Variants in DOCK8 observed in about 807,000 individuals in gnomAD.
DOCK8 encodes dedicator of cytokinesis protein 8.
A neutral mutation model predicts 245.6 loss-of-function variants in DOCK8; 141 were observed. That is an observed-to-expected ratio of 0.57 (90% CI 0.50 to 0.66). DOCK8 has a LOEUF of 0.66. Ranked by LOEUF, DOCK8 falls within the 30% of genes least tolerant of loss-of-function variation. The pLI is 0.00. For synonymous variants in DOCK8, 1,168 were observed against 970.2 expected (o/e 1.20, Z -3.79); for missense variants, 2,965 against 2,603.4 (o/e 1.14, Z -3.02).
At chr9:393,366 C>G (rs1294986343) in intron 24 of DOCK8, among the ~76,000 whole-genome samples, 1 of 152,190 alleles carries the variant, frequency 6.6e-6, no homozygotes, top group Non-Finnish European at 1.5e-5. Flanking sequence ...CACATCAAAA[C>G]TACTGAGCAT....
intron 46 of DOCK8, among the ~76,000 whole-genome samples, chr9:454,067 A>C (rs541972528): frequency 3.6e-4 from 55 of 152,342 alleles, no homozygotes; most frequent in Middle Eastern, 3.4e-3. Flanking sequence ...TAACTACAGG[A>C]CTATAAAGAT....
At chr9:453,142 G>C (rs2057519672) in intron 46 of DOCK8, among the ~76,000 whole-genome samples, 1 of 152,222 alleles carries the variant, frequency 6.6e-6, no homozygotes, top group Non-Finnish European at 1.5e-5. Flanking sequence ...CTCCTTCACA[G>C]GCTTTTGCGA....
At chr9:258,235 T>G (rs1039420331) in intron 1 of DOCK8, among the ~76,000 whole-genome samples, 3 of 152,250 alleles carry the variant, frequency 2.0e-5, no homozygotes, top group African/African-American at 7.2e-5. Flanking sequence ...TCCATGTCTT[T>G]ACTGAAGTCA....
At chr9:340,620 C>T (rs79509293) in intron 14 of DOCK8, 6 of 180,720 alleles carry the variant, frequency 3.3e-5, no homozygotes, top group Non-Finnish European at 2.3e-5. Flanking sequence ...GACTCTGTCT[C>T]AAAAAAAAAA....
At chr9:412,652 A>G (rs1363304280) in intron 28 of DOCK8, among the ~76,000 whole-genome samples, 2 of 152,128 alleles carry the variant, frequency 1.3e-5, no homozygotes, top group Non-Finnish European at 2.9e-5. Flanking sequence ...TAAGAAAACA[A>G]TTTCATATAA....
At chr9:269,552 C>CTTTTT (rs57326015) in intron 1 of DOCK8, among the ~76,000 whole-genome samples, 9 of 104,980 alleles carry the variant, frequency 8.6e-5, no homozygotes, top group African/African-American at 3.3e-4. Flanking sequence ...GTGTGGTTGT[C>CTTTTT]TTTTTTTTTT....
chr9:425,399 G>T (rs1455894886), intron 33 of DOCK8, among the ~76,000 whole-genome samples: 1 of 152,064 alleles, frequency 6.6e-6, no homozygotes, highest in African/African-American at 2.4e-5. Flanking sequence ...GGGCGCGGTG[G>T]CGGGCGCCTG....
intron 2 of DOCK8, among the ~76,000 whole-genome samples, chr9:273,519 A>G (rs1157403247): frequency 2.6e-5 from 4 of 152,206 alleles, no homozygotes; most frequent in Non-Finnish European, 5.9e-5. Flanking sequence ...ACACTTTTAA[A>G]TTTTAAACAA....
intron 4 of DOCK8, among the ~76,000 whole-genome samples, chr9:293,836 C>T (rs1015451774): frequency 6.6e-6 from 1 of 152,176 alleles, no homozygotes; most frequent in African/African-American, 2.4e-5. Context: ...TTATTTAGCT[C>T]TCCTTTAATT....
At chr9:386,146 A>G (rs1248378271) in intron 22 of DOCK8, among the ~76,000 whole-genome samples, 185 bp from the exon 23 acceptor site, 1 of 152,228 alleles carries the variant, frequency 6.6e-6, no homozygotes. Flanking sequence ...CTCAAGAGCA[A>G]GTAAAATTAG....
intron 14 of DOCK8, among the ~76,000 whole-genome samples, chr9:346,719 G>A (rs1481216672): frequency 6.6e-6 from 1 of 152,156 alleles, no homozygotes. Flanking sequence ...GCCTAACGGG[G>A]ATGTGCTCCC....
At chr9:438,225 G>A (rs1040205333) in intron 39 of DOCK8, among the ~76,000 whole-genome samples, 1 of 152,224 alleles carries the variant, frequency 6.6e-6, no homozygotes, top group Admixed American at 6.5e-5. Flanking sequence ...ACAGCTTTTA[G>A]TTCACAAGCC....
At chr9:323,404 G>A (rs2050612179) in intron 7 of DOCK8, among the ~76,000 whole-genome samples, 1 of 151,804 alleles carries the variant, frequency 6.6e-6, no homozygotes, top group Non-Finnish European at 1.5e-5. Context: ...TTGTGGTTTA[G>A]TAGAGACAGG....
intron 29 of DOCK8, 118 bp downstream of exon 29, chr9:415,069 C>T: frequency 7.0e-7 from 1 of 1,422,156 alleles, no homozygotes; most frequent in Non-Finnish European, 9.8e-7. Flanking sequence ...CAATTCTTCA[C>T]AAAAATGGTC....
intron 1 of DOCK8, among the ~76,000 whole-genome samples, chr9:256,413 T>C (rs1332937451): frequency 6.6e-6 from 1 of 152,200 alleles, no homozygotes; most frequent in Non-Finnish European, 1.5e-5. Context: ...CCCAATTCGT[T>C]TCTGCTTCAG....
At chr9:259,377 GTA>G (rs1384980105) in intron 1 of DOCK8, among the ~76,000 whole-genome samples, 1 of 152,116 alleles carries the variant, frequency 6.6e-6, no homozygotes, top group Non-Finnish European at 1.5e-5. Flanking sequence ...TAGTTTTTAA[GTA>G]CACTATTTAA....
intron 5 of DOCK8, among the ~76,000 whole-genome samples, chr9:306,161 A>G (rs2049817278): frequency 1.3e-5 from 2 of 152,220 alleles, no homozygotes; most frequent in South Asian, 2.1e-4. Context: ...TTCAGCTTCC[A>G]TGTGTCTTCA....
chr9:408,518 C>A (rs1564027220), intron 28 of DOCK8, among the ~76,000 whole-genome samples: 1 of 152,198 alleles, frequency 6.6e-6, no homozygotes, highest in Non-Finnish European at 1.5e-5. Flanking sequence ...CTACAACTAA[C>A]ATAAATTTCC....
At chr9:427,559 T>G (rs2056547297) in intron 34 of DOCK8, among the ~76,000 whole-genome samples, 2 of 152,218 alleles carry the variant, frequency 1.3e-5, no homozygotes, top group Non-Finnish European at 1.5e-5. Context: ...TTCCACAAAT[T>G]CCCAAGCTGT....
Sources: gnomAD v4.1 joint callset for allele counts (sites outside exome capture counted in the v4.1 genomes callset) on GRCh38, gnomAD v4.1.1 for gene constraint, MANE v1.5 for transcripts, NCBI Gene and HGNC (gene_info 2026-07-23, HGNC 2026-07-21) for gene names.